Variants in PPARGC1A observed in about 807,000 individuals in gnomAD.
PPARGC1A encodes PPARG coactivator 1 alpha, also known as peroxisome proliferator-activated receptor gamma coactivator 1-alpha.
PPARGC1A carries 25 observed loss-of-function variants against 88.7 expected under a neutral mutation model. The observed-to-expected ratio is 0.28, with a 90% CI of 0.21 to 0.39. The LOEUF (loss-of-function observed/expected upper bound fraction) is 0.39. PPARGC1A is among the 10% of genes least tolerant of loss of function. PPARGC1A has a pLI of 1.00. For synonymous variants in PPARGC1A, 363 were observed against 355.6 expected (o/e 1.02, Z -0.24); for missense variants, 880 against 968.7 (o/e 0.91, Z 1.22).
At chr4:24,230,119 T>G in the PPARGC1A span, among the ~76,000 whole-genome samples, 1 of 152,204 alleles carries the variant, frequency 6.6e-6, no homozygotes, top group Non-Finnish European at 1.5e-5. Flanking sequence ...AGACTGGGGT[T>G]ATTACCATTG....
the PPARGC1A span, among the ~76,000 whole-genome samples, chr4:24,291,795 A>G: frequency 6.1e-4 from 93 of 152,356 alleles, no homozygotes; most frequent in East Asian, 0.014. Flanking sequence ...CAAGAAGAAA[A>G]CCATAAGTCA....
At chr4:23,934,007 A>G in the PPARGC1A span, among the ~76,000 whole-genome samples, 1 of 152,326 alleles carries the variant, frequency 6.6e-6, no homozygotes, top group South Asian at 2.1e-4. Context: ...AGATCCCTGG[A>G]AAGAAAAATG....
chr4:23,813,460 T>C (rs185094755), intron 8 of PPARGC1A, among the ~76,000 whole-genome samples: 5 of 152,270 alleles, frequency 3.3e-5, no homozygotes, highest in Admixed American at 3.3e-4. Flanking sequence ...CTTAACAAAT[T>C]GCTCTCTCTG....
chr4:24,059,364 G>A, the PPARGC1A span, among the ~76,000 whole-genome samples: 1 of 152,166 alleles, frequency 6.6e-6, no homozygotes, highest in South Asian at 2.1e-4. Flanking sequence ...GGTGGGAATT[G>A]CAGTGTTAGA....
chr4:24,121,837 G>A, the PPARGC1A span, among the ~76,000 whole-genome samples: 1 of 152,162 alleles, frequency 6.6e-6, no homozygotes. Context: ...TTTATCTGCG[G>A]CAGTGGTGAG....
the PPARGC1A span, among the ~76,000 whole-genome samples, chr4:24,181,985 A>G: frequency 6.6e-6 from 1 of 151,818 alleles, no homozygotes; most frequent in African/African-American, 2.4e-5. Flanking sequence ...TTGGCACCTC[A>G]CTTTTTTTTA....
the PPARGC1A span, among the ~76,000 whole-genome samples, chr4:24,458,708 T>C: frequency 6.6e-6 from 1 of 152,120 alleles, no homozygotes; most frequent in African/African-American, 2.4e-5. Context: ...CGTGATTTAG[T>C]CATAATTGGT....
the PPARGC1A span, among the ~76,000 whole-genome samples, chr4:24,461,098 T>C: frequency 6.6e-6 from 1 of 152,110 alleles, no homozygotes; most frequent in Non-Finnish European, 1.5e-5. Flanking sequence ...TAAATGTTTT[T>C]ATTTGTTGTA....
At chr4:24,195,940 A>C in the PPARGC1A span, among the ~76,000 whole-genome samples, 1 of 152,226 alleles carries the variant, frequency 6.6e-6, no homozygotes, top group Non-Finnish European at 1.5e-5. Flanking sequence ...AAGAAGTCCC[A>C]ATCAACAACT....
At chr4:24,430,359 G>A in the PPARGC1A span, among the ~76,000 whole-genome samples, 4 of 145,046 alleles carry the variant, frequency 2.8e-5, no homozygotes, top group Non-Finnish European at 4.5e-5. Context: ...CTGGGTTCAC[G>A]CCATTCTCCT....
At chr4:24,010,747 A>G in the PPARGC1A span, among the ~76,000 whole-genome samples, 1 of 152,202 alleles carries the variant, frequency 6.6e-6, no homozygotes, top group Non-Finnish European at 1.5e-5. Flanking sequence ...GGAGAACAAT[A>G]AGAACTTGAA....
At chr4:23,983,810 C>T in the PPARGC1A span, among the ~76,000 whole-genome samples, 2 of 151,976 alleles carry the variant, frequency 1.3e-5, no homozygotes, top group Non-Finnish European at 2.9e-5. Flanking sequence ...CCCTCTTTAG[C>T]TAACCCCACA....
the PPARGC1A span, among the ~76,000 whole-genome samples, chr4:24,020,916 C>G: frequency 6.6e-6 from 1 of 152,188 alleles, no homozygotes; most frequent in Non-Finnish European, 1.5e-5. Flanking sequence ...GGTGCTGTTA[C>G]GAGTTAAAAC....
At chr4:23,998,997 T>A in the PPARGC1A span, among the ~76,000 whole-genome samples, 1 of 152,244 alleles carries the variant, frequency 6.6e-6, no homozygotes, top group South Asian at 2.1e-4. Flanking sequence ...ATCTTATGAA[T>A]ACATATTTAT....
At chr4:24,155,213 C>A in the PPARGC1A span, among the ~76,000 whole-genome samples, 1 of 151,480 alleles carries the variant, frequency 6.6e-6, no homozygotes, top group African/African-American at 2.4e-5. Context: ...AAATGTCTAG[C>A]AAAATATATT....
chr4:24,020,926 C>T, the PPARGC1A span, among the ~76,000 whole-genome samples: 11 of 152,220 alleles, frequency 7.2e-5, no homozygotes, highest in African/African-American at 2.7e-4. Flanking sequence ...CGAGTTAAAA[C>T]CCTGCCTCTG....
At chr4:24,204,755 G>A in the PPARGC1A span, among the ~76,000 whole-genome samples, 7 of 152,078 alleles carry the variant, frequency 4.6e-5, no homozygotes, top group African/African-American at 1.7e-4. Flanking sequence ...TGGTTTACCT[G>A]GGCATTCCTG....
At chr4:24,339,092 C>T in the PPARGC1A span, among the ~76,000 whole-genome samples, 18 of 151,776 alleles carry the variant, frequency 1.2e-4, no homozygotes, top group African/African-American at 3.6e-4. Context: ...ATTTTCTGTC[C>T]GCATGAATTT....
chr4:24,204,592 G>A, the PPARGC1A span, among the ~76,000 whole-genome samples: 1 of 152,084 alleles, frequency 6.6e-6, no homozygotes, highest in Non-Finnish European at 1.5e-5. Context: ...ACATAACCCT[G>A]AGAAAGATGG....
Sources: gnomAD v4.1 joint callset for allele counts (sites outside exome capture counted in the v4.1 genomes callset) on GRCh38, gnomAD v4.1.1 for gene constraint, MANE v1.5 for transcripts, NCBI Gene and HGNC (gene_info 2026-07-23, HGNC 2026-07-21) for gene names.